Variants in RNF213 observed in about 807,000 individuals in gnomAD.
RNF213 encodes the protein E3 ubiquitin-protein ligase RNF213.
Under a neutral mutation model 514.4 loss-of-function variants are expected in RNF213, and 341 were observed. The ratio of observed to expected loss-of-function variants is 0.66; its 90% confidence interval spans 0.61 to 0.73. The LOEUF (loss-of-function observed/expected upper bound fraction) is 0.73, where lower values mean the gene tolerates loss of function less well. Among genes scored for constraint, RNF213 ranks in the 30% least tolerant of loss-of-function variants. The probability of loss-of-function intolerance (pLI) is 0.00; values close to 1 mark genes in which losing one functional copy is unlikely to be tolerated. For missense variants in RNF213, 5,767 were observed against 6,615.6 expected (o/e 0.87, Z 4.45); for synonymous variants, 2,655 against 2,658.2 (o/e 1.00, Z 0.04).
In RNF213 at chr17:80,377,793, A is replaced by T. The variant is rs754697267; in HGVS notation, c.13542A>T (p.Gly4514=). 6 of 1,613,880 alleles carry T rather than the reference A, an allele frequency of 3.7e-6. No individual in the cohort carries two copies. In the East Asian group the frequency reaches 1.1e-4, roughly 30 times the overall value. ...TCPNGHPCSV[G]ECGRPMEQSI... ...CCAACGGCCATCCTTGCTCCGTGGG[A>T]GAGGTGAGTCTTGGTATTTAAGATA... The change falls in exon 54 of 68, where the codon GGA becomes GGT. Residue 4514 remains glycine (G), a synonymous_variant. Transcript: ENST00000582970. The surrounding 1 kb of genome is among the most constrained non-coding windows in gnomAD (Gnocchi z 4.1).
chr17:80,288,309 G>T lies in RNF213; in HGVS notation c.756G>T (p.Glu252Asp), dbSNP rs1368429511. ...CTGAGTCAAAAGGAGGCAGCTCTGA[G>T]CCCGGGACAGAACTGCAGACCACCG... ...LLPESKGGSS[E>D]PGTELQTTEQ... Residue 252 changes from glutamate to aspartate, a missense_variant, in exon 4 of 68, where the codon GAG becomes GAT. Coordinates refer to ENST00000582970, the MANE Select transcript of RNF213 (RefSeq NM_001256071.3). This position sits in a 1 kb window ranked among gnomAD's most constrained non-coding sequence, Gnocchi z 4.9. The T allele has an allele frequency of 6.2e-7, 1 of 1,613,004 alleles. No homozygotes were observed. The highest frequency in any genetic ancestry group is 8.5e-7 in the Non-Finnish European group (1 of 1,180,016).
chr17:80,339,683 C>T lies in RNF213; in HGVS notation c.5316C>T (p.Phe1772=), dbSNP rs1415425474. Reference sequence around the variant, plus strand: ...TCCCGCTGATGCTCTTATCAGAGTTCAGCCTGGTGGACAAGCTGAGGATCA... The same window carrying T: ...TCCCGCTGATGCTCTTATCAGAGTTTAGCCTGGTGGACAAGCTGAGGATCA... ...EELPLMLLSE[F]SLVDKLRIIM... is the part of the protein sequence containing the mutation. Residue 1772 remains phenylalanine (F), a synonymous_variant, in exon 26 of 68, where the codon TTC becomes TTT. Transcript: ENST00000582970. The T allele has an allele frequency of 8.5e-6, 13 of 1,537,216 alleles. No homozygotes were observed. The East Asian group carries it at 2.2e-4, about 26-fold the overall frequency.
At chr17:80,271,584 G>T (rs918908036) in intron 2 of RNF213, among the ~76,000 whole-genome samples, 8 of 152,252 alleles carry the variant, frequency 5.3e-5, no homozygotes, top group African/African-American at 1.9e-4. Flanking sequence ...GTGTGTCAGG[G>T]AGAGGTGGGG....
At position 80,368,045 on chromosome 17, in the gene RNF213, C is replaced by T; in HGVS notation, c.12057C>T (p.Arg4019=). 6.2e-7 allele frequency: 1 copy of T among 1,614,276 alleles called. No homozygotes were observed. The highest frequency in any genetic ancestry group is 2.2e-5 in the East Asian group (1 of 44,892). ...CCTGCGACCACGTGCACTGCCTGCG[C>T]TGCCTCAGGGCCTGGTTTGCCTCAG... ...CLPCDHVHCL[R]CLRAWFASEQ... is the part of the protein sequence containing the mutation. The change falls in exon 44 of 68, where the codon CGC becomes CGT. Residue 4019 remains arginine, a synonymous_variant. Transcript: ENST00000582970.
intron 40 of RNF213, 105 bp downstream of exon 40, chr17:80,363,419 A>C: frequency 7.8e-7 from 1 of 1,286,946 alleles, no homozygotes; most frequent in South Asian, 1.2e-5. Context: ...AGATTTCTTC[A>C]CAAGGCACAT....
intron 3 of RNF213, among the ~76,000 whole-genome samples, chr17:80,275,359 C>T (rs999974551): frequency 1.3e-5 from 2 of 151,906 alleles, no homozygotes; most frequent in East Asian, 1.9e-4. Flanking sequence ...AGTGGCAGTA[C>T]GGATGGTGTT....
intron 36 of RNF213, among the ~76,000 whole-genome samples, chr17:80,355,501 G>A (rs1207437655): frequency 8.4e-6 from 1 of 118,350 alleles, no homozygotes; most frequent in Non-Finnish European, 1.9e-5. Context: ...AAGAAGCGGG[G>A]TGACCGGGAA....
At chr17:80,355,796 G>A (rs1404703078) in intron 36 of RNF213, among the ~76,000 whole-genome samples, 26 of 142,962 alleles carry the variant, frequency 1.8e-4, no homozygotes, top group Non-Finnish European at 2.8e-4. Flanking sequence ...AGGAAAAAGC[G>A]GGGTGACCGG....
At chr17:80,358,563 A>T in intron 37 of RNF213, 84 bp downstream of exon 37, 1 of 1,276,792 alleles carries the variant, frequency 7.8e-7, no homozygotes, top group Non-Finnish European at 1.1e-6. Context: ...GTGCTGGGTG[A>T]AACGCAGCCC....
intron 15 of RNF213, among the ~76,000 whole-genome samples, chr17:80,314,182 T>TGGA (rs2045733073): frequency 2.6e-5 from 3 of 115,072 alleles, no homozygotes; most frequent in Non-Finnish European, 5.5e-5. Context: ...GAGGTGATGG[T>TGGA]GGTGGTGAAG....
intron 39 of RNF213, among the ~76,000 whole-genome samples, chr17:80,362,405 AAAC>A (rs750486638): frequency 2.6e-5 from 4 of 152,260 alleles, no homozygotes; most frequent in Non-Finnish European, 4.4e-5. Flanking sequence ...AAACGTTATA[AAAC>A]AACAATTTTA....
chr17:80,340,258 C>T lies in RNF213; in HGVS notation c.5891C>T (p.Ala1964Val), dbSNP rs1204978711. The T allele has an allele frequency of 6.2e-7, 1 of 1,614,114 alleles. No individual in the cohort carries two copies. Among genetic ancestry groups the T allele is most frequent in the Non-Finnish European group, 8.5e-7 (1 of 1,180,010 alleles). Residue 1964 changes from alanine to valine, a missense_variant, in exon 26 of 68, where the codon GCA becomes GTA. Physicochemically the swap from Ala to Val is moderately conservative, Grantham distance 64. This residue lies in a region of RNF213 where 1,377 missense variants were observed against 1,635.2 expected (regional missense o/e 0.84). Coordinates refer to ENST00000582970, the MANE Select transcript of RNF213 (RefSeq NM_001256071.3). ...CTCGAGGCCATCCAAGCCTACCTGG[C>T]AGGTCACTACCGGGTCCCGAAGCAG... ...APLEAIQAYL[A>V]GHYRVPKQTL...
Position 80,353,870 on chromosome 17 carries a change from A to T in RNF213, c.10579-149A>T. 8.2e-7 allele frequency: 1 copy of T among 1,212,790 alleles called. No homozygotes were observed. Among genetic ancestry groups the T allele is most frequent in the Non-Finnish European group, 1.2e-6 (1 of 844,026 alleles). 75.1% of individuals were successfully genotyped at this position (1,212,790 alleles called of 1,614,324 possible). On this transcript the variant is annotated intron_variant, in intron 34 of 67. Transcript: ENST00000582970. This position sits in a 1 kb window ranked among gnomAD's most constrained non-coding sequence, Gnocchi z 5.0. ...TCTGCACCGGCAGTTTGGGGGGTGCAGGGCGGAGGTCGGCGTCTCTTCTTT... is the reference window on the plus strand; with the variant it reads ...TCTGCACCGGCAGTTTGGGGGGTGCTGGGCGGAGGTCGGCGTCTCTTCTTT...
intron 36 of RNF213, among the ~76,000 whole-genome samples, chr17:80,355,595 T>C (rs71389752): frequency 2.2e-4 from 11 of 49,178 alleles, no homozygotes; most frequent in South Asian, 7.4e-4. Context: ...AATGGGGGCT[T>C]ACAGGGGAAG....
At chr17:80,303,691 G>A (rs1005637490) in intron 11 of RNF213, among the ~76,000 whole-genome samples, 20 of 151,046 alleles carry the variant, frequency 1.3e-4, no homozygotes, top group Non-Finnish European at 2.7e-4. Context: ...AGCCTCCCAA[G>A]TAGCTGGGAC....
At chr17:80,303,664 A>G (rs2045260283) in intron 11 of RNF213, among the ~76,000 whole-genome samples, 1 of 151,028 alleles carries the variant, frequency 6.6e-6, no homozygotes, top group Non-Finnish European at 1.5e-5. Flanking sequence ...CCCAGGTTCA[A>G]GTGATTCTTG....
chr17:80,372,639 A>C lies in RNF213; in HGVS notation c.12656A>C (p.Asn4219Thr). ...GCAAGCCGGGGCCGAGAGCCTGCCA[A>C]CGAGGCCTCGGTTGAATACCTGCAA... Reference protein sequence around the residue: ...SPASRGREPANEASVEYLQEV... With the variant: ...SPASRGREPATEASVEYLQEV... The change falls in exon 48 of 68, where the codon AAC (asparagine) becomes ACC (threonine). Residue 4219 changes from asparagine to threonine, a missense_variant. Around this residue, in one of 13 missense-constraint regions of RNF213, gnomAD observed 1,245 missense variants for 1,339.0 expected, o/e 0.93. Coordinates refer to ENST00000582970, the MANE Select transcript of RNF213 (RefSeq NM_001256071.3). The C allele has an allele frequency of 6.2e-7, 1 of 1,614,054 alleles. No individual in the cohort carries two copies. Among genetic ancestry groups the C allele is most frequent in the Non-Finnish European group, 8.5e-7 (1 of 1,180,008 alleles).
intron 3 of RNF213, among the ~76,000 whole-genome samples, chr17:80,277,325 G>A (rs890082971): frequency 2.0e-5 from 3 of 151,808 alleles, no homozygotes; most frequent in African/African-American, 7.3e-5. Context: ...GGCCAGGCCC[G>A]GTGGCTTCTC....
intron 42 of RNF213, chr17:80,364,996 AG>A (rs965927021): frequency 4.0e-6 from 1 of 250,364 alleles, no homozygotes; most frequent in African/African-American, 2.2e-5. Flanking sequence ...AACAGAACCA[AG>A]GAACAGGAAG....
Sources: allele counts gnomAD v4.1 joint callset (sites outside exome capture counted in the v4.1 genomes callset), GRCh38; gene constraint gnomAD v4.1.1; regional missense constraint gnomAD v4.1.1; non-coding constraint Gnocchi (gnomAD v3.1); transcripts MANE v1.5; gene names NCBI Gene and HGNC (gene_info 2026-07-23, HGNC 2026-07-21).